SHANK2: variants seen among roughly 807,000 people sequenced by gnomAD.
The protein encoded by SHANK2 is SH3 and multiple ankyrin repeat domains protein 2.
Under a neutral mutation model 133.7 loss-of-function variants are expected in SHANK2, and 43 were observed. The ratio of observed to expected loss-of-function variants is 0.32; its 90% CI spans 0.25 to 0.41. The LOEUF (loss-of-function observed/expected upper bound fraction) is 0.41. Among genes scored for constraint, SHANK2 ranks in the 10% least tolerant of loss-of-function variants. SHANK2 has a pLI of 1.00. For synonymous variants in SHANK2, 1,017 were observed against 952.8 expected (o/e 1.07, Z -1.24); for missense variants, 1,994 against 2,235.8 (o/e 0.89, Z 2.18).
At chr11:70,732,146 A>G (rs1204148965) in intron 14 of SHANK2, among the ~76,000 whole-genome samples, 3 of 152,016 alleles carry the variant, frequency 2.0e-5, no homozygotes, top group African/African-American at 4.8e-5. Flanking sequence ...ACCCTGACAC[A>G]CTACAGGCTG....
chr11:70,806,457 C>G (rs1948161690), intron 13 of SHANK2, among the ~76,000 whole-genome samples: 1 of 152,262 alleles, frequency 6.6e-6, no homozygotes, highest in Non-Finnish European at 1.5e-5. Flanking sequence ...ACTGGCTCCC[C>G]AATACCCCAG....
chr11:70,600,551 G>A (rs2060481185), intron 17 of SHANK2, among the ~76,000 whole-genome samples: 1 of 152,144 alleles, frequency 6.6e-6, no homozygotes, highest in Non-Finnish European at 1.5e-5. Context: ...GGTGGGTTGG[G>A]GGTGAAGGGG....
In SHANK2 at chr11:70,469,264, G is replaced by A. The variant is rs531848418; in HGVS notation, c.*3605C>T. Reference sequence around the variant, plus strand: ...AAGGAAATGGAACCAAGGCAGATTAGCTCAGTGACAGGAGCCTGTTTACTC... The same window carrying A: ...AAGGAAATGGAACCAAGGCAGATTAACTCAGTGACAGGAGCCTGTTTACTC... On this transcript the variant is annotated 3_prime_UTR_variant, in exon 26 of 26. Coordinates refer to ENST00000601538, the MANE Select transcript of SHANK2 (RefSeq NM_012309.5). 7.2e-5 allele frequency: 11 copies of A among 152,592 alleles called. No homozygotes were observed. In the South Asian group the frequency reaches 2.3e-3, roughly 32 times the overall value. The allele number at this position is 152,592 out of a possible 1,614,324, so 9.5% of individuals were successfully genotyped here.
At chr11:71,065,412 G>GGT (rs1951037935) in intron 9 of SHANK2, among the ~76,000 whole-genome samples, 5 of 134,414 alleles carry the variant, frequency 3.7e-5, no homozygotes, top group Non-Finnish European at 6.4e-5. Flanking sequence ...GTTGTGGGGG[G>GGT]GTGTGCAGAA....
At chr11:70,785,218 C>G (rs1007173036) in intron 14 of SHANK2, among the ~76,000 whole-genome samples, 2 of 152,132 alleles carry the variant, frequency 1.3e-5, no homozygotes, top group South Asian at 4.1e-4. Context: ...ACAGGACAGA[C>G]CCCTGGGGGC....
At position 70,492,548 on chromosome 11, in the gene SHANK2, C is replaced by T. The variant is rs1013960153; in HGVS notation, c.2309-83G>A. The T allele has an allele frequency of 2.1e-5, 33 of 1,570,150 alleles. No homozygotes were observed. In the Middle Eastern group the frequency reaches 1.5e-3, roughly 71 times the overall value. On this transcript the variant is annotated intron_variant, in intron 21 of 25. Coordinates refer to ENST00000601538, the MANE Select transcript of SHANK2 (RefSeq NM_012309.5). ...ATAGGAAAGCGCACAGGTGCAGCAG[C>T]CACTCCAACATCCAAAACTGTGCAG...
chr11:71,099,779 T>C (rs1218498048), intron 6 of SHANK2, among the ~76,000 whole-genome samples: 2 of 152,142 alleles, frequency 1.3e-5, no homozygotes, highest in Non-Finnish European at 2.9e-5. Context: ...GAGGCTGTGT[T>C]CAGTGGCTCA....
chr11:70,574,178 C>T (rs1260828667), intron 17 of SHANK2, among the ~76,000 whole-genome samples: 1 of 152,266 alleles, frequency 6.6e-6, no homozygotes. Context: ...CTCTTAGACC[C>T]TGCCTCAGTT....
intron 17 of SHANK2, among the ~76,000 whole-genome samples, chr11:70,575,526 A>G (rs1037533461): frequency 6.6e-6 from 1 of 151,656 alleles, no homozygotes; most frequent in South Asian, 2.1e-4. Flanking sequence ...CTCAAAAAAA[A>G]AAGAAAGTAC....
chr11:71,104,964 C>T (rs1003285411), intron 6 of SHANK2, among the ~76,000 whole-genome samples: 1 of 152,086 alleles, frequency 6.6e-6, no homozygotes, highest in African/African-American at 2.4e-5. Flanking sequence ...ATGTTTTTGG[C>T]CTTACAAAAA....
At chr11:70,816,914 C>T (rs1948410316) in intron 12 of SHANK2, among the ~76,000 whole-genome samples, 1 of 152,194 alleles carries the variant, frequency 6.6e-6, no homozygotes, top group Non-Finnish European at 1.5e-5. Flanking sequence ...AGCCTTTGCA[C>T]CCCGGCTATG....
chr11:70,656,859 A>C (rs1351213389), intron 17 of SHANK2, among the ~76,000 whole-genome samples: 1 of 152,132 alleles, frequency 6.6e-6, no homozygotes, highest in African/African-American at 2.4e-5. Context: ...CAAAAGAACA[A>C]ACTCTTCCCA....
At chr11:70,694,797 GCTCCCATGCTGCCTGCCCTC>G (rs1454846155) in intron 15 of SHANK2, among the ~76,000 whole-genome samples, 1 of 152,094 alleles carries the variant, frequency 6.6e-6, no homozygotes, top group Non-Finnish European at 1.5e-5. Flanking sequence ...CTGTCCACAA[GCTCCCATGCTGCCTGCCCTC>G]CTTCCATGCT....
chr11:70,486,855 C>T lies in SHANK2; in HGVS notation c.3438G>A (p.Pro1146=), dbSNP rs782385292. Residue 1146 remains proline, a synonymous_variant, in exon 25 of 26, where the codon CCG becomes CCA. Transcript: ENST00000601538. The surrounding 1 kb of genome is among the most constrained non-coding windows in gnomAD (Gnocchi z 8.0). ...DSAEQLSSPM[P]SATPREPENH... is the part of the protein sequence containing the mutation. ...TTTCGGGCTCCCTGGGCGTGGCACT[C>T]GGCATGGGGGATGACAGCTGCTCAG... 2.5e-6 allele frequency: 4 copies of T among 1,612,700 alleles called. No homozygotes were observed. Among genetic ancestry groups the T allele is most frequent in the South Asian group, 1.1e-5 (1 of 91,086 alleles).
Position 70,485,985 on chromosome 11 carries a change from G to T in SHANK2, c.4308C>A (p.Asp1436Glu), listed in dbSNP as rs782771791. The change falls in exon 25 of 26, where the codon GAC (aspartate) becomes GAA (glutamate). Residue 1436 changes from aspartate (D) to glutamate (E), a missense_variant. Asp to Glu is a conservative substitution (Grantham distance 45, BLOSUM62 2). Coordinates refer to ENST00000601538, the MANE Select transcript of SHANK2 (RefSeq NM_012309.5). The surrounding 1 kb of genome is among the most constrained non-coding windows in gnomAD (Gnocchi z 5.8). Reference sequence around the variant, plus strand: ...TGTCGCTTTTCTTCTGCTTCACTAAGTCTGAGAGAGCCGGGACAGAAGCTG... The same window carrying T: ...TGTCGCTTTTCTTCTGCTTCACTAATTCTGAGAGAGCCGGGACAGAAGCTG... The part of the protein sequence containing the change: ...DRAASVPALS[D>E]LVKQKKSDTP... 1.9e-6 allele frequency: 3 copies of T among 1,614,108 alleles called. No homozygotes were observed. Among genetic ancestry groups the T allele is most frequent in the Non-Finnish European group, 2.5e-6 (3 of 1,180,030 alleles).
At chr11:71,093,011 C>T (rs1951544134) in intron 7 of SHANK2, among the ~76,000 whole-genome samples, 2 of 137,736 alleles carry the variant, frequency 1.5e-5, no homozygotes, top group Admixed American at 1.8e-4. Flanking sequence ...CATTGCACTC[C>T]AGCCTGGGCA....
At chr11:70,580,179 C>G (rs1194080498) in intron 17 of SHANK2, among the ~76,000 whole-genome samples, 2 of 152,228 alleles carry the variant, frequency 1.3e-5, no homozygotes, top group Non-Finnish European at 2.9e-5. Context: ...GGACATCCAC[C>G]AGGCTGCTGC....
At chr11:71,104,464 C>T (rs1951772639) in intron 6 of SHANK2, among the ~76,000 whole-genome samples, 1 of 152,152 alleles carries the variant, frequency 6.6e-6, no homozygotes, top group South Asian at 2.1e-4. Context: ...CGTATCCGTC[C>T]CTTATGCTCT....
intron 6 of SHANK2, among the ~76,000 whole-genome samples, chr11:71,097,778 G>C (rs548652102): frequency 6.6e-6 from 1 of 152,232 alleles, no homozygotes; most frequent in African/African-American, 2.4e-5. Flanking sequence ...CAGGAGGAGT[G>C]TAAGTGTTTA....
Sources: gnomAD v4.1 joint callset for allele counts (sites outside exome capture counted in the v4.1 genomes callset) on GRCh38, gnomAD v4.1.1 for gene constraint, Gnocchi (gnomAD v3.1) non-coding constraint, MANE v1.5 for transcripts, NCBI Gene and HGNC (gene_info 2026-07-23, HGNC 2026-07-21) for gene names.